The following TLN2 variants were observed in gnomAD, a reference collection of about 807,000 sequenced individuals.
The protein encoded by TLN2 is talin 2.
In TLN2, 118 loss-of-function variants were observed where a neutral mutation model predicts 294.7. The ratio of observed to expected loss-of-function variants is 0.40; its 90% confidence interval spans 0.34 to 0.47. TLN2 has a LOEUF of 0.47. Among genes scored for constraint, TLN2 ranks in the 20% least tolerant of loss-of-function variants. The pLI, the probability that TLN2 is intolerant of heterozygous loss-of-function variation, is 0.84. For synonymous variants in TLN2, 1,431 were observed against 1,304.5 expected, an observed-to-expected ratio of 1.10 and a Z score of -2.09; for missense variants, 3,083 against 3,282.2, an observed-to-expected ratio of 0.94 and a Z score of 1.48.
chr15:62,747,150 C>A (rs1247399818), intron 32 of TLN2, among the ~76,000 whole-genome samples: 3 of 152,166 alleles, frequency 2.0e-5, no homozygotes, highest in Non-Finnish European at 4.4e-5. Flanking sequence ...CCATGACTTT[C>A]AAAATTATCC....
At chr15:62,476,998 G>C in intron 1 of TLN2, among the ~76,000 whole-genome samples, 1 of 152,266 alleles carries the variant, frequency 6.6e-6, no homozygotes, top group Admixed American at 6.5e-5. Context: ...CTCTTTAGTC[G>C]TTAGTAGACT....
intron 23 of TLN2, among the ~76,000 whole-genome samples, chr15:62,716,677 G>T (rs1567440672): frequency 3.9e-5 from 6 of 152,160 alleles, no homozygotes; most frequent in Admixed American, 2.0e-4. Flanking sequence ...ATAGAATTTA[G>T]ACTCTTTTCA....
At chr15:62,581,103 C>T (rs1375214366) in intron 1 of TLN2, among the ~76,000 whole-genome samples, 1 of 151,914 alleles carries the variant, frequency 6.6e-6, no homozygotes, top group Admixed American at 6.6e-5. Flanking sequence ...CGGATGGTCT[C>T]CTAACACCTC....
Position 62,673,890 on chromosome 15 carries a change from G to A in TLN2, c.852G>A (p.Gln284=), listed in dbSNP as rs765035309. ...GAGGAGCTGAAAAGAGGATCTTTCA[G>A]GTATTGGAAATGTACAGAACTTTAT... is the stretch of plus-strand genomic sequence containing the variant. The part of the protein sequence containing the change: ...KQRGAEKRIF[Q]EHKNCGEMSE... Residue 284 remains glutamine, a splice_region_variant and synonymous_variant, in exon 10 of 59, where the codon CAG becomes CAA. Coordinates refer to ENST00000636159, the MANE Select transcript of TLN2 (RefSeq NM_015059.3). The A allele has an allele frequency of 6.2e-7, 1 of 1,612,522 alleles. No individual in the cohort carries two copies. The highest frequency in any genetic ancestry group is 8.5e-7 in the Non-Finnish European group (1 of 1,178,970).
Position 62,708,537 on chromosome 15 carries a change from G to A in TLN2, c.2208G>A (p.Gln736=). The A allele has an allele frequency of 1.9e-6, 3 of 1,614,130 alleles. No individual in the cohort carries two copies. Among genetic ancestry groups the A allele is most frequent in the Non-Finnish European group, 2.5e-6 (3 of 1,179,966 alleles). The stretch of plus-strand genomic sequence containing the variant: ...CCACTATTAGCTCCCCTGTGTGCCA[G>A]GAGCAGCTGATTGAAGCAGGGAAGC... The part of the protein sequence containing the change: ...VSPTISSPVC[Q]EQLIEAGKLV... Residue 736 remains glutamine, a synonymous_variant, in exon 21 of 59, where the codon CAG becomes CAA. Transcript: ENST00000636159.
intron 48 of TLN2, among the ~76,000 whole-genome samples, chr15:62,799,917 G>A (rs573571978): frequency 4.6e-5 from 7 of 152,182 alleles, no homozygotes; most frequent in Admixed American, 3.3e-4. Context: ...AAGACAGGCT[G>A]ACCTGTGTGC....
intron 2 of TLN2, among the ~76,000 whole-genome samples, chr15:62,615,445 G>A (rs1469332487): frequency 6.6e-6 from 1 of 152,186 alleles, no homozygotes; most frequent in Non-Finnish European, 1.5e-5. Flanking sequence ...CACCCACTCA[G>A]GAGTGACTTT....
chr15:62,573,983 G>C (rs1450106677), intron 1 of TLN2, among the ~76,000 whole-genome samples: 10 of 152,190 alleles, frequency 6.6e-5, no homozygotes, highest in African/African-American at 2.4e-4. Context: ...CAAAGGCGGG[G>C]AAAAGATGCA....
intron 1 of TLN2, among the ~76,000 whole-genome samples, chr15:62,469,333 C>G (rs923287992): frequency 6.6e-6 from 1 of 152,206 alleles, no homozygotes; most frequent in Admixed American, 6.5e-5. Context: ...CACAGTGAAT[C>G]AGAAGACAAA....
At chr15:62,724,063 A>T (rs2060302387) in intron 26 of TLN2, among the ~76,000 whole-genome samples, 2 of 152,062 alleles carry the variant, frequency 1.3e-5, no homozygotes, top group African/African-American at 4.8e-5. Flanking sequence ...CATGAGAATC[A>T]CTTGAACCCA....
At chr15:62,480,970 G>T (rs999711286) in intron 1 of TLN2, among the ~76,000 whole-genome samples, 1 of 152,188 alleles carries the variant, frequency 6.6e-6, no homozygotes, top group Non-Finnish European at 1.5e-5. Flanking sequence ...TGACAGGGCA[G>T]TTGGGATGAG....
chr15:62,504,818 G>GGGGTGTGTGT (rs1555419722), intron 1 of TLN2, among the ~76,000 whole-genome samples: 1 of 143,530 alleles, frequency 7.0e-6, no homozygotes, highest in East Asian at 2.2e-4. Context: ...TAGTTGGTGG[G>GGGGTGTGTGT]GTGTGTGTGT....
At chr15:62,480,467 C>A (rs114182369) in intron 1 of TLN2, among the ~76,000 whole-genome samples, 1 of 152,208 alleles carries the variant, frequency 6.6e-6, no homozygotes, top group Non-Finnish European at 1.5e-5. Flanking sequence ...CAAGTGATAA[C>A]AGCCACCTCG....
chr15:62,733,285 A>G (rs1019943630), intron 28 of TLN2, among the ~76,000 whole-genome samples: 1 of 152,200 alleles, frequency 6.6e-6, no homozygotes, highest in African/African-American at 2.4e-5. Context: ...AGCTTTAGGA[A>G]TAAGGAGATC....
At chr15:62,415,674 G>A (rs991464628) in intron 1 of TLN2, among the ~76,000 whole-genome samples, 5 of 152,212 alleles carry the variant, frequency 3.3e-5, no homozygotes, top group Non-Finnish European at 5.9e-5. Context: ...GCTGCCAGGC[G>A]CTCCTGGCAC....
At chr15:62,662,822 G>GTTTTT (rs772448730) in intron 9 of TLN2, among the ~76,000 whole-genome samples, 2,333 of 108,128 alleles carry the variant, frequency 0.022, 165 homozygotes, top group East Asian at 0.034. Flanking sequence ...GATTGAGAGA[G>GTTTTT]TTTTTTTTTT....
intron 1 of TLN2, among the ~76,000 whole-genome samples, chr15:62,499,820 CT>C (rs2039210358): frequency 6.6e-6 from 1 of 151,960 alleles, no homozygotes; most frequent in Non-Finnish European, 1.5e-5. Flanking sequence ...TCAGGCTAGT[CT>C]CGAACTCCCG....
chr15:62,625,375 C>T (rs1390698534), intron 3 of TLN2, among the ~76,000 whole-genome samples: 2 of 152,190 alleles, frequency 1.3e-5, no homozygotes, highest in Non-Finnish European at 2.9e-5. Flanking sequence ...TTGGGCTCTG[C>T]TGGCTGCAGT....
intron 1 of TLN2, among the ~76,000 whole-genome samples, chr15:62,499,932 G>A (rs2437128): frequency 0.49 from 74,811 of 151,430 alleles, 19,678 homozygotes; most frequent in African/African-American, 0.69. Flanking sequence ...TTAAAAACAA[G>A]CAAAGAAACA....
Sources: allele counts gnomAD v4.1 joint callset (sites outside exome capture counted in the v4.1 genomes callset), GRCh38; gene constraint gnomAD v4.1.1; transcripts MANE v1.5; gene names NCBI Gene and HGNC (gene_info 2026-07-23, HGNC 2026-07-21).